The following CFAP20DC variants were observed in gnomAD, a reference collection of about 807,000 sequenced individuals.
The protein encoded by CFAP20DC is protein CFAP20DC.
A neutral mutation model predicts 101.7 loss-of-function variants in CFAP20DC; 84 were observed. The ratio of observed to expected loss-of-function variants is 0.83; its 90% CI spans 0.69 to 0.99. The LOEUF (loss-of-function observed/expected upper bound fraction) is 0.99, where lower values mean the gene tolerates loss of function less well. Among genes scored for constraint, CFAP20DC ranks in the 50% least tolerant of loss-of-function variants. The pLI is 0.00. For missense variants in CFAP20DC, 1,007 were observed against 970.3 expected, an observed-to-expected ratio of 1.04 and a Z score of -0.50; for synonymous variants, 359 against 351.2, an observed-to-expected ratio of 1.02 and a Z score of -0.25.
chr3:58,772,375 G>T (rs748183416), intron 15 of CFAP20DC, among the ~76,000 whole-genome samples: 1 of 152,120 alleles, frequency 6.6e-6, no homozygotes, highest in Non-Finnish European at 1.5e-5. Context: ...GCTTGAGCTT[G>T]TATATAATTA....
chr3:58,906,935 A>G (rs1347830628), intron 6 of CFAP20DC, among the ~76,000 whole-genome samples: 1 of 152,104 alleles, frequency 6.6e-6, no homozygotes, highest in Non-Finnish European at 1.5e-5. Flanking sequence ...TCAAAAACAA[A>G]AGCAAAAAAC....
At position 58,784,419 on chromosome 3, in the gene CFAP20DC, T is replaced by C. The variant is rs148869328; in HGVS notation, c.2237+21976A>G. 2.2e-3 allele frequency among the ~76,000 whole-genome samples: 331 copies of C among 152,178 alleles called. 4 individuals carry two copies. Among genetic ancestry groups the C allele is most frequent in the African/African-American group, 7.6e-3 (316 of 41,530 alleles). ...GGGTTAAAAAAACTATTGAGTTCTATGCTCAGTACCTGCGTAATGGGATCA... is the reference window on the plus strand; with the variant it reads ...GGGTTAAAAAAACTATTGAGTTCTACGCTCAGTACCTGCGTAATGGGATCA... On this transcript the variant is annotated intron_variant, in intron 15 of 16. Coordinates refer to ENST00000482387, the MANE Select transcript of CFAP20DC (RefSeq NM_001394063.1).
At chr3:58,953,170 A>G (rs566339598) in intron 4 of CFAP20DC, among the ~76,000 whole-genome samples, 44 of 152,298 alleles carry the variant, frequency 2.9e-4, no homozygotes, top group African/African-American at 9.6e-4. Flanking sequence ...GGTAGGAACC[A>G]TGCACACATC....
rs1472342976 is a variant in CFAP20DC, at chr3:58,869,774, C to G, written c.853-284G>C. The stretch of plus-strand genomic sequence containing the variant: ...AGTAGGTAGAAGCCGAATTAAAAAT[C>G]ACGCGTATGTCAGAAATTCGGAGGA... On this transcript the variant is annotated intron_variant, in intron 8 of 16. Coordinates refer to ENST00000482387, the MANE Select transcript of CFAP20DC (RefSeq NM_001394063.1). This position sits in a 1 kb window ranked among gnomAD's most constrained non-coding sequence, Gnocchi z 4.3. Among the ~76,000 whole-genome samples, 1 of 152,024 alleles carries G rather than the reference C, an allele frequency of 6.6e-6. No homozygotes were observed. Among genetic ancestry groups the G allele is most frequent in the Non-Finnish European group, 1.5e-5 (1 of 68,022 alleles).
At chr3:58,784,047 A>AT (rs35439333) in intron 15 of CFAP20DC, among the ~76,000 whole-genome samples, 9,252 of 141,884 alleles carry the variant, frequency 0.065, 909 homozygotes, top group African/African-American at 0.22. Flanking sequence ...TATTGTTGCC[A>AT]TTTTTTTTTT....
At chr3:58,973,331 T>C (rs1266256197) in intron 4 of CFAP20DC, among the ~76,000 whole-genome samples, 1 of 152,228 alleles carries the variant, frequency 6.6e-6, no homozygotes. Flanking sequence ...TAAGTCATGC[T>C]TGACTCACAT....
Position 58,814,445 on chromosome 3 carries a change from A to C in CFAP20DC, c.2176-7989T>G, listed in dbSNP as rs868691301. On this transcript the variant is annotated intron_variant, in intron 14 of 16. Transcript: ENST00000482387. ...GGAAGCATTCCCTTTGAAAACTGGC[A>C]CAAGACAGGGATGCCCTCTCTCACC... 2.6e-4 allele frequency among the ~76,000 whole-genome samples: 39 copies of C among 151,536 alleles called. 1 individual carries two copies. The highest frequency in any genetic ancestry group is 1.9e-3 in the South Asian group (9 of 4,786).
chr3:58,909,155 T>C (rs959297117), intron 6 of CFAP20DC, among the ~76,000 whole-genome samples: 12 of 152,134 alleles, frequency 7.9e-5, no homozygotes, highest in Non-Finnish European at 1.8e-4. Context: ...CTATAGACTT[T>C]GGATGATAAT....
At chr3:58,833,808 G>A (rs558797722) in intron 13 of CFAP20DC, among the ~76,000 whole-genome samples, 1 of 152,250 alleles carries the variant, frequency 6.6e-6, no homozygotes. Context: ...GCCAAAAAGT[G>A]AAAACAACCA....
chr3:58,761,422 C>A (rs1315838722), intron 15 of CFAP20DC, among the ~76,000 whole-genome samples: 1 of 152,110 alleles, frequency 6.6e-6, no homozygotes, highest in Non-Finnish European at 1.5e-5. Context: ...TGATTCTTCT[C>A]TGTTTTCTTC....
chr3:58,743,426 C>T (rs1347675844), intron 16 of CFAP20DC, among the ~76,000 whole-genome samples: 1 of 152,144 alleles, frequency 6.6e-6, no homozygotes, highest in Non-Finnish European at 1.5e-5. Flanking sequence ...TCAAGACCTT[C>T]CCAGCCAGAG....
chr3:59,039,632 A>G lies in CFAP20DC; in HGVS notation c.206-3T>C, dbSNP rs1167012071. On this transcript the variant is annotated splice_region_variant and splice_polypyrimidine_tract_variant and intron_variant, in intron 3 of 16. Transcript: ENST00000482387. ...AAGAAACCTCTGGATCAATCCAACT[A>G]GAATGAAGAGGAAATACACATTCAA... The G allele has an allele frequency of 1.3e-6, 2 of 1,513,772 alleles. No individual in the cohort carries two copies. The highest frequency in any genetic ancestry group is 2.0e-5 in the Admixed American group (1 of 49,560). 93.8% of individuals were successfully genotyped at this position (1,513,772 alleles called of 1,614,324 possible). A position where few individuals can be genotyped will look rare whatever the true frequency, so the allele number is the denominator to read the frequency against.
chr3:58,719,352 C>T (rs547585653), intron 3 of CFAP20DC, among the ~76,000 whole-genome samples: 32 of 152,380 alleles, frequency 2.1e-4, no homozygotes, highest in African/African-American at 7.7e-4. Flanking sequence ...GGTCTTACTA[C>T]ATACACTGTC....
intron 4 of CFAP20DC, among the ~76,000 whole-genome samples, chr3:58,939,842 C>T (rs1190884338): frequency 7.0e-6 from 1 of 142,612 alleles, no homozygotes; most frequent in Non-Finnish European, 1.5e-5. Flanking sequence ...TCGTGGCTTA[C>T]TGTAACCTCC....
At chr3:58,802,742 G>A (rs2073800409) in intron 15 of CFAP20DC, among the ~76,000 whole-genome samples, 1 of 152,142 alleles carries the variant, frequency 6.6e-6, no homozygotes. Context: ...TTTACTGTGA[G>A]AAAAACAATA....
chr3:58,956,877 A>G (rs1295924819), intron 4 of CFAP20DC, among the ~76,000 whole-genome samples: 4 of 152,164 alleles, frequency 2.6e-5, no homozygotes, highest in African/African-American at 7.2e-5. Context: ...AGCCCCTTAT[A>G]AAACCATCAT....
chr3:58,815,782 G>C (rs1361480066), intron 14 of CFAP20DC, among the ~76,000 whole-genome samples: 2 of 149,882 alleles, frequency 1.3e-5, no homozygotes, highest in Admixed American at 1.3e-4. Flanking sequence ...CTGGCCATCA[G>C]AGAAATGCAA....
chr3:58,857,718 A>G (rs867844298), intron 12 of CFAP20DC, among the ~76,000 whole-genome samples: 2 of 152,202 alleles, frequency 1.3e-5, no homozygotes, highest in Non-Finnish European at 2.9e-5. Context: ...ATAGGAGACT[A>G]TATTTGAGTA....
intron 15 of CFAP20DC, among the ~76,000 whole-genome samples, chr3:58,773,748 A>G (rs1048566058): frequency 2.0e-5 from 3 of 152,208 alleles, no homozygotes; most frequent in Non-Finnish European, 2.9e-5. Context: ...TTAAAAATAC[A>G]TCATTCAAGA....
Sources: allele counts gnomAD v4.1 joint callset (sites outside exome capture counted in the v4.1 genomes callset), GRCh38; gene constraint gnomAD v4.1.1; non-coding constraint Gnocchi (gnomAD v3.1); transcripts MANE v1.5; gene names NCBI Gene and HGNC (gene_info 2026-07-23, HGNC 2026-07-21).